The following LRRIQ1 variants were observed in gnomAD, a reference collection of about 807,000 sequenced individuals.
LRRIQ1 encodes the protein leucine rich repeats and IQ motif containing 1.
LRRIQ1 carries 210 observed loss-of-function variants against 211.9 expected under a neutral mutation model. That is an observed-to-expected ratio of 0.99 (90% CI 0.89 to 1.11). The LOEUF is 1.11. Ranked by LOEUF, LRRIQ1 falls within the 50% of genes most tolerant of loss-of-function variation. LRRIQ1 has a pLI of 0.00. For synonymous variants in LRRIQ1, 699 were observed against 650.1 expected (o/e 1.08, Z -1.14); for missense variants, 2,136 against 1,939.5 (o/e 1.10, Z -1.90).
exon 2 of LRRIQ1, chr12:85,263,451 ATATAT>A (rs1896352717): frequency 6.6e-6 from 1 of 152,092 alleles, no homozygotes; most frequent in African/African-American, 2.4e-5. Context: ...ATAATGATTA[ATATAT>A]TAATAAACTT....
At chr12:85,162,632 G>T (rs2136744569) in intron 24 of LRRIQ1, 3 of 393,702 alleles carry the variant, frequency 7.6e-6, no homozygotes, top group Admixed American at 3.2e-5. Flanking sequence ...TTATTGAATT[G>T]TGTACTGGTA....
intron 15 of LRRIQ1, among the ~76,000 whole-genome samples, chr12:85,108,193 C>T (rs1886919205): frequency 1.3e-5 from 2 of 152,118 alleles, no homozygotes; most frequent in African/African-American, 2.4e-5. Context: ...GGCTAAGTTA[C>T]TTGGCACTAA....
At chr12:85,094,191 T>A (rs1405279643) in intron 11 of LRRIQ1, among the ~76,000 whole-genome samples, 1 of 152,196 alleles carries the variant, frequency 6.6e-6, no homozygotes, top group Non-Finnish European at 1.5e-5. Context: ...AAAATGAGAT[T>A]ACTTTGTAGA....
intron 2 of LRRIQ1, among the ~76,000 whole-genome samples, chr12:85,039,045 G>C (rs1479874959): frequency 1.3e-5 from 2 of 150,902 alleles, no homozygotes; most frequent in African/African-American, 4.8e-5. Flanking sequence ...ATTTTATTAG[G>C]ATTGCACTAA....
chr12:85,257,898 C>T (rs897982728), intron 1 of LRRIQ1, among the ~76,000 whole-genome samples: 2 of 151,702 alleles, frequency 1.3e-5, no homozygotes, highest in African/African-American at 4.8e-5. Flanking sequence ...AACACAGCCA[C>T]ATGGCATCTT....
intron 24 of LRRIQ1, among the ~76,000 whole-genome samples, chr12:85,206,544 A>G (rs117296152): frequency 1.3e-5 from 2 of 152,252 alleles, no homozygotes; most frequent in East Asian, 3.9e-4. Context: ...AAGGGGAGAC[A>G]AAGTCTGTCC....
intron 19 of LRRIQ1, among the ~76,000 whole-genome samples, chr12:85,145,212 G>A (rs981554852): frequency 9.2e-5 from 14 of 151,528 alleles, no homozygotes; most frequent in African/African-American, 3.1e-4. Flanking sequence ...ATAGCTCTAA[G>A]TTTAGGGAAT....
At chr12:85,266,053 A>C (rs538459891), downstream of LRRIQ1, among the ~76,000 whole-genome samples, 1 of 152,116 alleles carries the variant, frequency 6.6e-6, no homozygotes, top group Non-Finnish European at 1.5e-5. Context: ...CTAGACCTTA[A>C]AGTGGCATAA....
At position 85,043,082 on chromosome 12, in the gene LRRIQ1, G is replaced by A. The variant is rs542955568; in HGVS notation, c.245-1636G>A. Among the ~76,000 whole-genome samples the A allele has an allele frequency of 2.4e-4, 37 of 152,034 alleles. No homozygotes were observed. The East Asian group carries it at 4.1e-3, about 17-fold the overall frequency. On this transcript the variant is annotated intron_variant, in intron 3 of 26. Coordinates refer to ENST00000393217, the MANE Select transcript of LRRIQ1 (RefSeq NM_001079910.2). ...ATCGGGGTTCTCAGTTGTAGAGAAC[G>A]GGCACTAGCTGCTTTATGGGCAGTA...
chr12:85,117,836 A>G (rs1565845236), intron 15 of LRRIQ1, among the ~76,000 whole-genome samples: 1 of 152,194 alleles, frequency 6.6e-6, no homozygotes, highest in Non-Finnish European at 1.5e-5. Flanking sequence ...TTTTATAATC[A>G]TAACTAAGTA....
At chr12:85,158,388 G>A (rs1335513590) in intron 23 of LRRIQ1, among the ~76,000 whole-genome samples, 1 of 151,718 alleles carries the variant, frequency 6.6e-6, no homozygotes, top group African/African-American at 2.4e-5. Flanking sequence ...AGTTATTCAA[G>A]CTTATTTTAC....
chr12:85,119,782 T>A (rs1437170222), intron 15 of LRRIQ1, among the ~76,000 whole-genome samples: 2 of 152,202 alleles, frequency 1.3e-5, no homozygotes, highest in African/African-American at 4.8e-5. Context: ...ATGCCGAACA[T>A]CTTCTTATAT....
chr12:85,060,030 A>G (rs1449948874), intron 8 of LRRIQ1, among the ~76,000 whole-genome samples: 1 of 151,966 alleles, frequency 6.6e-6, no homozygotes. Context: ...TCTGCCACTT[A>G]TGGCTGTGAC....
chr12:85,086,959 T>TATTATTATTATTATA (rs1199762504), intron 11 of LRRIQ1, among the ~76,000 whole-genome samples: 2 of 150,520 alleles, frequency 1.3e-5, no homozygotes, highest in African/African-American at 5.0e-5. Flanking sequence ...TTATTATTAT[T>TATTATTATTATTATA]ATACTTTAAG....
intron 25 of LRRIQ1, 143 bp downstream of exon 25, chr12:85,229,792 A>T (rs568469167): frequency 4.7e-5 from 33 of 705,316 alleles, no homozygotes; most frequent in Non-Finnish European, 7.4e-5. Context: ...AAGGCCTTTC[A>T]TATAGAATAG....
In LRRIQ1 at chr12:85,037,249, G is replaced by C. The variant is rs181669101; in HGVS notation, c.-25+842G>C. On this transcript the variant is annotated intron_variant, in intron 1 of 26. Coordinates refer to ENST00000393217, the MANE Select transcript of LRRIQ1 (RefSeq NM_001079910.2). ...GTGCTCAAATATGTAATTGGACAGGGGTGATCTAATGAGCCAGTAGATGAA... is the reference window on the plus strand; with the variant it reads ...GTGCTCAAATATGTAATTGGACAGGCGTGATCTAATGAGCCAGTAGATGAA... Among the ~76,000 whole-genome samples the C allele has an allele frequency of 7.2e-5, 11 of 152,066 alleles. No individual in the cohort carries two copies. In the East Asian group the frequency reaches 1.2e-3, roughly 16 times the overall value.
intron 11 of LRRIQ1, among the ~76,000 whole-genome samples, chr12:85,092,393 A>C (rs1245747232): frequency 1.3e-5 from 2 of 152,140 alleles, no homozygotes; most frequent in Non-Finnish European, 2.9e-5. Context: ...TGCACTGTGC[A>C]CTTGCCTCAG....
At chr12:85,085,281 T>C (rs1156767594) in intron 11 of LRRIQ1, among the ~76,000 whole-genome samples, 1 of 152,158 alleles carries the variant, frequency 6.6e-6, no homozygotes, top group African/African-American at 2.4e-5. Context: ...CTTACAATCA[T>C]GGTTAAAGTA....
At chr12:85,147,600 C>A (rs895441870) in intron 19 of LRRIQ1, among the ~76,000 whole-genome samples, 4 of 151,718 alleles carry the variant, frequency 2.6e-5, no homozygotes, top group Non-Finnish European at 5.9e-5. Context: ...ATCACTGAAC[C>A]AGGCTCAAGA....
Sources: allele counts gnomAD v4.1 joint callset (sites outside exome capture counted in the v4.1 genomes callset), GRCh38; gene constraint gnomAD v4.1.1; transcripts MANE v1.5; gene names NCBI Gene and HGNC (gene_info 2026-07-23, HGNC 2026-07-21).